The following FOXP1 variants were observed in gnomAD, a reference collection of about 807,000 sequenced individuals.
The protein encoded by FOXP1 is forkhead box P1, also known as forkhead box protein P1.
A neutral mutation model predicts 98.2 loss-of-function variants in FOXP1; 15 were observed. The observed-to-expected ratio is 0.15, with a 90% CI of 0.10 to 0.24. FOXP1 has a LOEUF of 0.24. Among genes scored for constraint, FOXP1 ranks in the 10% least tolerant of loss-of-function variants. The probability of loss-of-function intolerance (pLI) is 1.00; values close to 1 mark genes in which losing one functional copy is unlikely to be tolerated. For missense variants in FOXP1, 633 were observed against 848.5 expected (o/e 0.75, Z 3.15); for synonymous variants, 371 against 314.5 (o/e 1.18, Z -1.90).
Position 70,955,139 on chromosome 3 carries a change from T to C in FOXP1, c.*4108A>G, listed in dbSNP as rs1018045754. On this transcript the variant is annotated 3_prime_UTR_variant, in exon 21 of 21. Coordinates refer to ENST00000649528, the MANE Select transcript of FOXP1 (RefSeq NM_001349338.3). The stretch of plus-strand genomic sequence containing the variant: ...GTACCAAAAAGATTCAAAATCTGAA[T>C]AAGCACACTCTTCTTTGTGCCTTTG... The C allele has an allele frequency of 1.8e-4, 41 of 232,390 alleles. No homozygotes were observed. The highest frequency in any genetic ancestry group is 8.8e-4 in the African/African-American group (40 of 45,300). 14.4% of individuals were successfully genotyped at this position (232,390 alleles called of 1,614,324 possible). A position where few individuals can be genotyped will look rare whatever the true frequency, so the allele number is the denominator to read the frequency against.
intron 6 of FOXP1, among the ~76,000 whole-genome samples, chr3:71,123,137 T>A (rs2058904272): frequency 1.3e-5 from 2 of 152,070 alleles, no homozygotes; most frequent in Non-Finnish European, 2.9e-5. Context: ...CATCCAAGTA[T>A]CTTCTTTCAT....
chr3:71,375,812 G>A (rs902247659), intron 3 of FOXP1, among the ~76,000 whole-genome samples: 1 of 152,210 alleles, frequency 6.6e-6, no homozygotes, highest in Non-Finnish European at 1.5e-5. Context: ...CGATTCCTTA[G>A]AAGGAAACGG....
At chr3:71,389,476 G>A (rs946678957) in intron 3 of FOXP1, among the ~76,000 whole-genome samples, 4 of 152,060 alleles carry the variant, frequency 2.6e-5, no homozygotes, top group Admixed American at 6.6e-5. Flanking sequence ...TGAACACAAC[G>A]ACGTGTACAA....
At chr3:71,046,827 G>C in intron 10 of FOXP1, 115 bp downstream of exon 10, 1 of 1,248,676 alleles carries the variant, frequency 8.0e-7, no homozygotes, top group Non-Finnish European at 1.2e-6. Context: ...TTTCTTAAAA[G>C]AATCTATGTG....
intron 3 of FOXP1, among the ~76,000 whole-genome samples, chr3:71,396,948 G>A (rs1252148727): frequency 3.2e-5 from 2 of 61,760 alleles, no homozygotes; most frequent in African/African-American, 1.5e-4. Flanking sequence ...ATATATATAT[G>A]TGTATATATA....
At chr3:71,020,184 T>G (rs932857419) in intron 11 of FOXP1, among the ~76,000 whole-genome samples, 3 of 152,170 alleles carry the variant, frequency 2.0e-5, no homozygotes, top group Admixed American at 1.3e-4. Flanking sequence ...AACACAAAAA[T>G]AGTGATAGCA....
At chr3:71,100,608 CA>C (rs1423463848) in intron 7 of FOXP1, among the ~76,000 whole-genome samples, 1 of 152,210 alleles carries the variant, frequency 6.6e-6, no homozygotes, top group Non-Finnish European at 1.5e-5. Flanking sequence ...AGAAAGCAGA[CA>C]AAGATAATCT....
intron 12 of FOXP1, among the ~76,000 whole-genome samples, chr3:71,010,178 ACC>A (rs1459578947): frequency 6.6e-6 from 1 of 152,008 alleles, no homozygotes; most frequent in Non-Finnish European, 1.5e-5. Flanking sequence ...TGTCCTCACT[ACC>A]CAGTCAGGCT....
intron 5 of FOXP1, among the ~76,000 whole-genome samples, chr3:71,204,865 A>G (rs1337739185): frequency 1.3e-5 from 2 of 152,208 alleles, no homozygotes; most frequent in African/African-American, 4.8e-5. Context: ...AATGAACCCT[A>G]CAGACACACC....
rs546243247 is a variant in FOXP1 at position 71,238,845 on chromosome 3, G to C, written c.-11-40453C>G. Reference sequence around the variant, plus strand: ...GGACCCGGGAAGAGGAGGTTGAAGAGGTTTACAATCTCAACATCATCATGT... The same window carrying C: ...GGACCCGGGAAGAGGAGGTTGAAGACGTTTACAATCTCAACATCATCATGT... On this transcript the variant is annotated intron_variant, in intron 5 of 20. Transcript: ENST00000649528. Among the ~76,000 whole-genome samples the C allele has an allele frequency of 3.9e-5, 6 of 152,256 alleles. No homozygotes were observed. In the East Asian group the frequency reaches 9.7e-4, roughly 24 times the overall value.
chr3:71,420,247 G>T (rs907958145), intron 3 of FOXP1, among the ~76,000 whole-genome samples: 1 of 152,052 alleles, frequency 6.6e-6, no homozygotes, highest in Non-Finnish European at 1.5e-5. Context: ...AAAATATTAG[G>T]TATATTATAC....
chr3:71,246,797 C>A (rs920609424), intron 5 of FOXP1, among the ~76,000 whole-genome samples: 1 of 152,178 alleles, frequency 6.6e-6, no homozygotes, highest in Non-Finnish European at 1.5e-5. Flanking sequence ...AACTCGTCTC[C>A]GTCACTCTTC....
intron 20 of FOXP1, among the ~76,000 whole-genome samples, chr3:70,960,502 C>T (rs535695252): frequency 1.5e-4 from 23 of 152,324 alleles, no homozygotes; most frequent in South Asian, 1.2e-3. Context: ...TACAACTGAT[C>T]CTTTGCATAT....
chr3:71,398,411 C>T (rs559884605), intron 3 of FOXP1, among the ~76,000 whole-genome samples: 23 of 152,312 alleles, frequency 1.5e-4, no homozygotes, highest in South Asian at 1.4e-3. Flanking sequence ...GCACTAAGCA[C>T]GCTGAAAACA....
intron 2 of FOXP1, among the ~76,000 whole-genome samples, chr3:71,496,983 T>TGTGTGTGTGTGTGTGTGTGC (rs2091464853): frequency 6.6e-6 from 1 of 152,034 alleles, no homozygotes; most frequent in African/African-American, 2.4e-5. Context: ...TGTGTGTGTG[T>TGTGTGTGTGTGTGTGTGTGC]GTTGTTAAGA....
chr3:71,186,898 T>C (rs1000573237), intron 6 of FOXP1, among the ~76,000 whole-genome samples: 2 of 152,188 alleles, frequency 1.3e-5, no homozygotes, highest in African/African-American at 4.8e-5. Context: ...TTCTGCAGAG[T>C]GTCAGATTAA....
At chr3:71,432,367 T>G (rs1435570024) in intron 3 of FOXP1, among the ~76,000 whole-genome samples, 2 of 152,070 alleles carry the variant, frequency 1.3e-5, no homozygotes, top group East Asian at 3.9e-4. Context: ...CCCTTCCCCT[T>G]CCCTGCCTCA....
chr3:71,016,491 T>C (rs1270913798), intron 11 of FOXP1, among the ~76,000 whole-genome samples: 1 of 152,184 alleles, frequency 6.6e-6, no homozygotes, highest in Non-Finnish European at 1.5e-5. Flanking sequence ...ATTTTTACAG[T>C]TGTTTCCATA....
intron 5 of FOXP1, among the ~76,000 whole-genome samples, chr3:71,200,557 A>T (rs1370524875): frequency 6.6e-6 from 1 of 152,270 alleles, no homozygotes; most frequent in Non-Finnish European, 1.5e-5. Flanking sequence ...TTCACAGACC[A>T]GAATTTGGAA....
Sources: gnomAD v4.1 joint callset for allele counts (sites outside exome capture counted in the v4.1 genomes callset) on GRCh38, gnomAD v4.1.1 for gene constraint, MANE v1.5 for transcripts, NCBI Gene and HGNC (gene_info 2026-07-23, HGNC 2026-07-21) for gene names.